The following CACNA1B variants were observed in gnomAD, a reference collection of about 807,000 sequenced individuals.
The protein encoded by CACNA1B is calcium voltage-gated channel subunit alpha1 B, also known as voltage-dependent N-type calcium channel subunit alpha-1B.
CACNA1B carries 70 observed loss-of-function variants against 247.2 expected under a neutral mutation model. The observed-to-expected ratio is 0.28, with a 90% CI of 0.23 to 0.35. The LOEUF is 0.35. Ranked by LOEUF, CACNA1B falls within the 10% of genes least tolerant of loss-of-function variation. CACNA1B has a pLI of 1.00. For missense variants in CACNA1B, 2,367 were observed against 3,197.4 expected, an observed-to-expected ratio of 0.74 and a Z score of 6.26; for synonymous variants, 1,231 against 1,294.4, an observed-to-expected ratio of 0.95 and a Z score of 1.05.
Position 138,073,614 on chromosome 9 carries a change from G to T in CACNA1B, c.4791+10G>T, listed in dbSNP as rs1254947024. ...TGTCCAGTCCTTCAAGGTGGGCCAG[G>T]CGGGGGGCCTCCATGCTTTCTGTCC... On this transcript the variant is annotated intron_variant, in intron 33 of 46. Coordinates refer to ENST00000371372, the MANE Select transcript of CACNA1B (RefSeq NM_000718.4). This position sits in a 1 kb window ranked among gnomAD's most constrained non-coding sequence, Gnocchi z 6.4. 6.9e-7 allele frequency: 1 copy of T among 1,459,000 alleles called. No individual in the cohort carries two copies. The highest frequency in any genetic ancestry group is 1.1e-5 in the South Asian group (1 of 88,002). 90.4% of individuals were successfully genotyped at this position (1,459,000 alleles called of 1,614,324 possible).
rs891169575 is a variant in CACNA1B at position 137,917,093 on chromosome 9, A to T, written c.776-148A>T. On this transcript the variant is annotated intron_variant, in intron 5 of 46. Transcript: ENST00000371372. This position sits in a 1 kb window ranked among gnomAD's most constrained non-coding sequence, Gnocchi z 5.5. Reference sequence around the variant, plus strand: ...GGCGATGCCTGATGCAGATTCGAGGAGGGATGGTGGGAAGTTGAGGGAGAG... The same window carrying T: ...GGCGATGCCTGATGCAGATTCGAGGTGGGATGGTGGGAAGTTGAGGGAGAG... 1 of 670,164 alleles carries T rather than the reference A, an allele frequency of 1.5e-6. No homozygotes were observed. The highest frequency in any genetic ancestry group is 3.0e-5 in the Admixed American group (1 of 33,314). The allele number at this position is 670,164 out of a possible 1,614,324, so 41.5% of individuals were successfully genotyped here.
intron 3 of CACNA1B, among the ~76,000 whole-genome samples, chr9:137,895,750 C>T (rs1378328998): frequency 2.0e-5 from 3 of 152,150 alleles, no homozygotes; most frequent in African/African-American, 4.8e-5. Flanking sequence ...TCTGGAATTT[C>T]CTATGTTGAC....
intron 15 of CACNA1B, among the ~76,000 whole-genome samples, chr9:137,987,315 G>A (rs1371069321): frequency 6.6e-6 from 1 of 152,164 alleles, no homozygotes; most frequent in Non-Finnish European, 1.5e-5. Flanking sequence ...GTGGGGGCTG[G>A]GGGCCCACTT....
At chr9:137,962,715 T>C (rs1269673188) in intron 10 of CACNA1B, among the ~76,000 whole-genome samples, 3 of 152,236 alleles carry the variant, frequency 2.0e-5, no homozygotes, top group Non-Finnish European at 4.4e-5. Context: ...TTCTTAATCT[T>C]GAGTTCTAAT....
rs773522880 is a variant in CACNA1B at position 138,073,569 on chromosome 9, C to G, written c.4756C>G (p.Arg1586Gly). The change falls in exon 33 of 47, where the codon CGC becomes GGC. Residue 1586 changes from arginine to glycine, a missense_variant. Arg to Gly is a moderately radical substitution (Grantham distance 125). This residue lies in a region of CACNA1B where 436 missense variants were observed against 679.5 expected (regional missense o/e 0.64). Transcript: ENST00000371372. The surrounding 1 kb of genome is among the most constrained non-coding windows in gnomAD (Gnocchi z 6.4). The stretch of plus-strand genomic sequence containing the variant: ...GCTGCTCCGCCAGGGCTACACCATC[C>G]GCATCCTGCTGTGGACCTTTGTCCA... ...IKLLRQGYTI[R>G]ILLWTFVQSF... 1.2e-6 allele frequency: 2 copies of G among 1,612,172 alleles called. No individual in the cohort carries two copies.
intron 6 of CACNA1B, among the ~76,000 whole-genome samples, chr9:137,945,376 C>T (rs748945600): frequency 2.0e-5 from 3 of 152,198 alleles, no homozygotes; most frequent in Non-Finnish European, 2.9e-5. Context: ...TGGAAAAACT[C>T]TGGGTCTTGT....
chr9:137,929,252 G>C (rs1203268745), intron 6 of CACNA1B, among the ~76,000 whole-genome samples: 2 of 152,144 alleles, frequency 1.3e-5, no homozygotes, highest in Non-Finnish European at 2.9e-5. Context: ...TTTGTTGTCT[G>C]TCTGAAATTT....
chr9:137,981,350 A>G (rs190521104), intron 12 of CACNA1B, among the ~76,000 whole-genome samples: 23 of 152,322 alleles, frequency 1.5e-4, no homozygotes, highest in Admixed American at 1.5e-3. Flanking sequence ...CTTTTATTTA[A>G]TGCAGTTTCC....
At chr9:138,068,123 G>A (rs1161166625) in intron 31 of CACNA1B, among the ~76,000 whole-genome samples, 1 of 152,106 alleles carries the variant, frequency 6.6e-6, no homozygotes, top group Non-Finnish European at 1.5e-5. Context: ...AGAAGCCTGC[G>A]GGCAGCCTGA....
In CACNA1B at chr9:137,955,621, T is replaced by A; in HGVS notation, c.1071-77T>A. 1 of 957,364 alleles carries A rather than the reference T, an allele frequency of 1.0e-6. No individual in the cohort carries two copies. 59.3% of individuals were successfully genotyped at this position (957,364 alleles called of 1,614,324 possible). On this transcript the variant is annotated intron_variant, in intron 7 of 46. Transcript: ENST00000371372. This position sits in a 1 kb window ranked among gnomAD's most constrained non-coding sequence, Gnocchi z 6.9. ...GTCTCCTGTCCCAGGCTTTCCCTGG[T>A]CCTTTTTGTCTCTGGGGCTGCACAC...
In CACNA1B at chr9:137,916,111, C is replaced by T. The variant is rs1246557469; in HGVS notation, c.776-1130C>T. ...GCAGTGGTGCAATCTCGGCTCGCTG[C>T]AACCTCCGCCTCCCAGGTTCTAGCA... On this transcript the variant is annotated intron_variant, in intron 5 of 46. Coordinates refer to ENST00000371372, the MANE Select transcript of CACNA1B (RefSeq NM_000718.4). Among the ~76,000 whole-genome samples the T allele has an allele frequency of 3.3e-5, 5 of 150,022 alleles. No individual in the cohort carries two copies. The Admixed American group carries it at 3.3e-4, about 10-fold the overall frequency.
Position 137,990,242 on chromosome 9 carries a change from G to A in CACNA1B, c.1974+3388G>A, listed in dbSNP as rs1958416547. ...TGACTAATGGCCTTAATCCTCCTGG[G>A]AACATAACTCCATTGGACTGAGAAC... On this transcript the variant is annotated intron_variant, in intron 15 of 46. Transcript: ENST00000371372. This position sits in a 1 kb window ranked among gnomAD's most constrained non-coding sequence, Gnocchi z 4.5. Among the ~76,000 whole-genome samples the A allele has an allele frequency of 2.0e-5, 3 of 152,016 alleles. No homozygotes were observed. In the South Asian group the frequency reaches 6.2e-4, roughly 32 times the overall value.
intron 6 of CACNA1B, among the ~76,000 whole-genome samples, chr9:137,946,738 G>A (rs1957801142): frequency 6.6e-6 from 1 of 152,208 alleles, no homozygotes; most frequent in South Asian, 2.1e-4. Flanking sequence ...TCCATGCTTA[G>A]GTGCTCTCTG....
intron 31 of CACNA1B, among the ~76,000 whole-genome samples, chr9:138,062,442 T>C (rs1244699725): frequency 6.6e-6 from 1 of 152,158 alleles, no homozygotes; most frequent in African/African-American, 2.4e-5. Flanking sequence ...GGCCACATGT[T>C]GTGTGCTGTG....
Position 137,952,876 on chromosome 9 carries a change from T to C in CACNA1B, c.1070+499T>C, listed in dbSNP as rs1957895008. On this transcript the variant is annotated intron_variant, in intron 7 of 46. Coordinates refer to ENST00000371372, the MANE Select transcript of CACNA1B (RefSeq NM_000718.4). This position sits in a 1 kb window ranked among gnomAD's most constrained non-coding sequence, Gnocchi z 4.8. ...TGGCCACAGAGAGCCCCTCTGTTAC[T>C]GTGGTGAGAAATAACTGGGGGCACC... Among the ~76,000 whole-genome samples, 4 of 152,050 alleles carry C rather than the reference T, an allele frequency of 2.6e-5. No homozygotes were observed. Among genetic ancestry groups the C allele is most frequent in the Admixed American group, 1.3e-4 (2 of 15,266 alleles).
intron 31 of CACNA1B, among the ~76,000 whole-genome samples, chr9:138,066,720 C>A (rs181851246): frequency 6.6e-6 from 1 of 152,142 alleles, no homozygotes; most frequent in Admixed American, 6.5e-5. Flanking sequence ...TATATTAAAG[C>A]TCATGAGATA....
In CACNA1B at chr9:137,891,896, G is replaced by A. The variant is rs759826527; in HGVS notation, c.530+9013G>A. 13 of 372,206 alleles carry A rather than the reference G, an allele frequency of 3.5e-5. No individual in the cohort carries two copies. Among genetic ancestry groups the A allele is most frequent in the Middle Eastern group, 3.8e-4 (1 of 2,660 alleles). 23.1% of individuals were successfully genotyped at this position (372,206 alleles called of 1,614,324 possible). A position where few individuals can be genotyped will look rare whatever the true frequency, so the allele number is the denominator to read the frequency against. On this transcript the variant is annotated intron_variant, in intron 3 of 46. Coordinates refer to ENST00000371372, the MANE Select transcript of CACNA1B (RefSeq NM_000718.4). This position sits in a 1 kb window ranked among gnomAD's most constrained non-coding sequence, Gnocchi z 4.3. ...CCCACCCAGTCCCTGCCCTCTTCACGACCCTGCTGTGAGCTCCTTTCTCCA... is the reference window on the plus strand; with the variant it reads ...CCCACCCAGTCCCTGCCCTCTTCACAACCCTGCTGTGAGCTCCTTTCTCCA...
chr9:138,056,933 GTT>G (rs138277172), intron 26 of CACNA1B, among the ~76,000 whole-genome samples: 4 of 113,454 alleles, frequency 3.5e-5, no homozygotes, highest in Non-Finnish European at 5.1e-5. Flanking sequence ...TTTTATTTGG[GTT>G]TTTTTTTTTT....
chr9:137,947,603 TATTC>T (rs1230311749), intron 6 of CACNA1B, among the ~76,000 whole-genome samples: 2 of 152,164 alleles, frequency 1.3e-5, no homozygotes, highest in South Asian at 2.1e-4. Flanking sequence ...GACCTTTCAT[TATTC>T]ATTTTTTCTT....
Sources: allele counts gnomAD v4.1 joint callset (sites outside exome capture counted in the v4.1 genomes callset), GRCh38; gene constraint gnomAD v4.1.1; regional missense constraint gnomAD v4.1.1; non-coding constraint Gnocchi (gnomAD v3.1); transcripts MANE v1.5; gene names NCBI Gene and HGNC (gene_info 2026-07-23, HGNC 2026-07-21).